Variants in DLG2 observed in about 807,000 individuals in gnomAD.
DLG2 encodes discs large MAGUK scaffold protein 2.
In DLG2, 45 loss-of-function variants were observed where a neutral mutation model predicts 132.5. The ratio of observed to expected loss-of-function variants is 0.34; its 90% CI spans 0.27 to 0.44. The LOEUF (loss-of-function observed/expected upper bound fraction) is 0.44. Ranked by LOEUF, DLG2 falls within the 20% of genes least tolerant of loss-of-function variation. The probability of loss-of-function intolerance (pLI) is 1.00; values close to 1 mark genes in which losing one functional copy is unlikely to be tolerated. For synonymous variants in DLG2, 424 were observed against 419.6 expected (o/e 1.01, Z -0.13); for missense variants, 1,045 against 1,196.9 (o/e 0.87, Z 1.87).
intron 6 of DLG2, among the ~76,000 whole-genome samples, chr11:85,045,033 T>C (rs10501586): frequency 0.2 from 30,933 of 151,988 alleles, 3,555 homozygotes; most frequent in Middle Eastern, 0.28. Context: ...GGATGAATTA[T>C]TTGACTGTCA....
Position 85,120,972 on chromosome 11 carries a change from G to A in DLG2, c.283-9237C>T, listed in dbSNP as rs561380928. On this transcript the variant is annotated intron_variant, in intron 5 of 27. Transcript: ENST00000376104. ...ACTCAGATCTTAACCACAGAATAAC[G>A]TAACATCCATTCAGCTCCTGTATGC... Among the ~76,000 whole-genome samples, 5 of 152,092 alleles carry A rather than the reference G, an allele frequency of 3.3e-5. No homozygotes were observed. In the East Asian group the frequency reaches 9.7e-4, roughly 29 times the overall value.
intron 18 of DLG2, among the ~76,000 whole-genome samples, chr11:83,715,060 C>T (rs2086372417): frequency 6.6e-6 from 1 of 152,110 alleles, no homozygotes; most frequent in Admixed American, 6.5e-5. Context: ...CACATATACA[C>T]CATGGAATAC....
At chr11:84,988,122 C>G (rs372020736) in intron 6 of DLG2, among the ~76,000 whole-genome samples, 1 of 151,952 alleles carries the variant, frequency 6.6e-6, no homozygotes, top group Non-Finnish European at 1.5e-5. Flanking sequence ...ATAAAAATGG[C>G]CAAGAAACGT....
intron 8 of DLG2, among the ~76,000 whole-genome samples, chr11:84,213,830 A>G (rs565921043): frequency 1.3e-5 from 2 of 149,536 alleles, no homozygotes; most frequent in East Asian, 1.9e-4. Flanking sequence ...AAAAAAAAAA[A>G]AAAAAAGAAA....
At chr11:84,630,357 T>G (rs2154543629) in intron 6 of DLG2, among the ~76,000 whole-genome samples, 1 of 152,262 alleles carries the variant, frequency 6.6e-6, no homozygotes, top group Admixed American at 6.5e-5. Context: ...GGGGTAGCTC[T>G]TTTTTGCTAC....
intron 18 of DLG2, chr11:83,645,722 G>A (rs569507438): frequency 6.6e-6 from 1 of 152,246 alleles, no homozygotes; most frequent in South Asian, 2.1e-4. Context: ...GGATCAGAAA[G>A]CTGACTCAGA....
chr11:83,798,973 G>A (rs80098460), intron 17 of DLG2, among the ~76,000 whole-genome samples: 4,073 of 152,198 alleles, frequency 0.027, 83 homozygotes, highest in Non-Finnish European at 0.04. Flanking sequence ...CCATCTCTAG[G>A]GTCCCCTGTG....
In DLG2 at chr11:84,221,292, C is replaced by T. The variant is rs1165064637; in HGVS notation, c.573+29946G>A. Among the ~76,000 whole-genome samples, 4 of 151,846 alleles carry T rather than the reference C, an allele frequency of 2.6e-5. 1 individual carries two copies. Among genetic ancestry groups the T allele is most frequent in the Non-Finnish European group, 5.9e-5 (4 of 67,984 alleles). ...CAGCCTGGCCAACATAGTGAAACCC[C>T]ATCTATACTAAAAATACAAAAATTA... On this transcript the variant is annotated intron_variant, in intron 8 of 27. Coordinates refer to ENST00000376104, the MANE Select transcript of DLG2 (RefSeq NM_001142699.3).
chr11:83,943,920 C>T (rs1471686), intron 14 of DLG2, among the ~76,000 whole-genome samples: 11,635 of 152,160 alleles, frequency 0.076, 609 homozygotes, highest in Non-Finnish European at 0.12. Flanking sequence ...TGGAAATGGC[C>T]TTTTAAGATC....
intron 3 of DLG2, among the ~76,000 whole-genome samples, chr11:85,446,797 G>A (rs2092030440): frequency 1.4e-5 from 2 of 143,474 alleles, no homozygotes; most frequent in Admixed American, 6.8e-5. Context: ...TAGTATATGT[G>A]TGTGTGTGTG....
chr11:83,761,674 G>A (rs1593860262), intron 18 of DLG2, among the ~76,000 whole-genome samples: 1 of 152,108 alleles, frequency 6.6e-6, no homozygotes, highest in East Asian at 1.9e-4. Context: ...AATGCAAATG[G>A]CTACATAGAC....
chr11:83,988,359 T>G (rs1284155099), intron 11 of DLG2, among the ~76,000 whole-genome samples: 1 of 151,704 alleles, frequency 6.6e-6, no homozygotes, highest in African/African-American at 2.4e-5. Context: ...TGGCTAGCTA[T>G]GGATGCCTTC....
chr11:84,228,249 T>C (rs552290947), intron 8 of DLG2, among the ~76,000 whole-genome samples: 1 of 152,302 alleles, frequency 6.6e-6, no homozygotes, highest in South Asian at 2.1e-4. Context: ...TTAGAGTCAA[T>C]CATGGCTGTT....
intron 19 of DLG2, among the ~76,000 whole-genome samples, chr11:83,579,664 T>A (rs974751825): frequency 2.0e-5 from 3 of 151,752 alleles, no homozygotes; most frequent in South Asian, 2.1e-4. Context: ...TGAAAAAAAA[T>A]AAATAAAATA....
intron 7 of DLG2, among the ~76,000 whole-genome samples, chr11:84,478,990 ACTACT>A (rs1232335363): frequency 1.3e-5 from 2 of 152,112 alleles, no homozygotes; most frequent in Non-Finnish European, 2.9e-5. Flanking sequence ...CTGGTAAAAT[ACTACT>A]CCTTTAGTCC....
intron 6 of DLG2, among the ~76,000 whole-genome samples, chr11:84,888,176 G>A (rs2088663138): frequency 6.6e-6 from 1 of 151,992 alleles, no homozygotes; most frequent in South Asian, 2.1e-4. Context: ...CCAGATAGCT[G>A]ATAAAACATT....
chr11:84,569,671 T>A (rs1329806492), intron 6 of DLG2, among the ~76,000 whole-genome samples: 1 of 152,206 alleles, frequency 6.6e-6, no homozygotes, highest in African/African-American at 2.4e-5. Flanking sequence ...GAATGATGGT[T>A]CTGAGAAGAG....
intron 3 of DLG2, among the ~76,000 whole-genome samples, chr11:85,457,184 C>CTTTT (rs35970313): frequency 1.5e-5 from 2 of 132,582 alleles, no homozygotes; most frequent in Non-Finnish European, 1.7e-5. Context: ...CCTTCTTTGT[C>CTTTT]TTTTTTTTTT....
intron 6 of DLG2, among the ~76,000 whole-genome samples, chr11:84,791,674 G>T (rs780720295): frequency 5.3e-5 from 8 of 151,694 alleles, no homozygotes; most frequent in Admixed American, 2.6e-4. Flanking sequence ...CTAATTCCTA[G>T]ATATTTAATT....
Sources: allele counts gnomAD v4.1 joint callset (sites outside exome capture counted in the v4.1 genomes callset), GRCh38; gene constraint gnomAD v4.1.1; transcripts MANE v1.5; gene names NCBI Gene and HGNC (gene_info 2026-07-23, HGNC 2026-07-21).